The following EXOC5 variants were observed in gnomAD, a reference collection of about 807,000 sequenced individuals.
EXOC5 encodes the protein exocyst complex component 5.
Under a neutral mutation model 90.8 loss-of-function variants are expected in EXOC5, and 17 were observed. The observed-to-expected ratio is 0.19, with a 90% CI of 0.13 to 0.28. EXOC5 has a LOEUF of 0.28. Among genes scored for constraint, EXOC5 ranks in the 10% least tolerant of loss-of-function variants. The pLI is 1.00. For synonymous variants in EXOC5, 260 were observed against 270.0 expected (o/e 0.96, Z 0.36); for missense variants, 569 against 830.6 (o/e 0.69, Z 3.87).
chr14:57,254,958 G>C (rs978684158), intron 1 of EXOC5, among the ~76,000 whole-genome samples: 2 of 152,276 alleles, frequency 1.3e-5, no homozygotes, highest in Non-Finnish European at 2.9e-5. Context: ...TGTTATGGAA[G>C]CCTGAGCTGA....
intron 1 of EXOC5, among the ~76,000 whole-genome samples, chr14:57,254,774 T>C (rs1233713308): frequency 6.6e-6 from 1 of 152,158 alleles, no homozygotes; most frequent in Non-Finnish European, 1.5e-5. Flanking sequence ...GAAATCTCTC[T>C]CTGCACAAAG....
Position 57,205,589 on chromosome 14 carries a change from A to T in EXOC5, c.*3020T>A, listed in dbSNP as rs1326810911. The T allele has an allele frequency of 3.2e-6, 1 of 310,714 alleles. No individual in the cohort carries two copies. Among genetic ancestry groups the T allele is most frequent in the Non-Finnish European group, 6.1e-6 (1 of 163,112 alleles). 19.2% of individuals were successfully genotyped at this position (310,714 alleles called of 1,614,324 possible). On this transcript the variant is annotated 3_prime_UTR_variant, in exon 18 of 18. Coordinates refer to ENST00000621441, the MANE Select transcript of EXOC5 (RefSeq NM_006544.4). ...CAAAAATCAAAATCTCTTTATCCAG[A>T]TCCTTGTAAATATTCACCATTACAG...
intron 1 of EXOC5, among the ~76,000 whole-genome samples, chr14:57,259,328 G>A (rs1884434120): frequency 6.6e-6 from 1 of 152,044 alleles, no homozygotes; most frequent in Non-Finnish European, 1.5e-5. Flanking sequence ...CTAACTGCTG[G>A]CCTCAAGTGA....
chr14:57,247,540 A>T (rs1566502705), intron 2 of EXOC5, 78 bp downstream of exon 2: 3 of 596,934 alleles, frequency 5.0e-6, no homozygotes, highest in Non-Finnish European at 8.6e-6. Context: ...TGCTGAAAGC[A>T]ATCTCAACAG....
chr14:57,268,901 G>T lies in EXOC5; in HGVS notation c.-253C>A. 2 of 961,642 alleles carry T rather than the reference G, an allele frequency of 2.1e-6. No homozygotes were observed. The highest frequency in any genetic ancestry group is 2.9e-6 in the Non-Finnish European group (2 of 687,280). The allele number at this position is 961,642 out of a possible 1,614,324, so 59.6% of individuals were successfully genotyped here. A position where few individuals can be genotyped will look rare whatever the true frequency, so the allele number is the denominator to read the frequency against. On this transcript the variant is annotated 5_prime_UTR_variant, in exon 1 of 18. Coordinates refer to ENST00000621441, the MANE Select transcript of EXOC5 (RefSeq NM_006544.4). ...GTCACCGCCTCATACGCCGGAAGTG[G>T]AACTGCGCGCGCCAGGGAGGTTGTC...
rs1406045557 is a variant in EXOC5 at position 57,246,831 on chromosome 14, A to C, written c.150T>G (p.Ile50Met). 1.3e-6 allele frequency: 2 copies of C among 1,584,704 alleles called. No homozygotes were observed. Among genetic ancestry groups the C allele is most frequent in the Non-Finnish European group, 1.7e-6 (2 of 1,160,154 alleles). Reference sequence around the variant, plus strand: ...TTTCATCCATTATCTGGAGTTCCTGAATATGATTTACAAATTCTTCTAATA... The same window carrying C: ...TTTCATCCATTATCTGGAGTTCCTGCATATGATTTACAAATTCTTCTAATA... ...KRLLEEFVNH[I>M]QELQIMDERI... Residue 50 changes from isoleucine to methionine, a missense_variant, in exon 3 of 18, where the codon ATT becomes ATG. Transcript: ENST00000621441.
At chr14:57,221,574 G>A (rs188029042) in intron 13 of EXOC5, among the ~76,000 whole-genome samples, 185 of 152,288 alleles carry the variant, frequency 1.2e-3, no homozygotes, top group African/African-American at 4.3e-3. Flanking sequence ...GAAGTATACT[G>A]ACAGGATTTG....
chr14:57,211,638 C>G (rs1262982966), intron 15 of EXOC5: 1 of 152,194 alleles, frequency 6.6e-6, no homozygotes, highest in African/African-American at 2.4e-5. Flanking sequence ...TCTAAGAGGC[C>G]GAGGTGGGAG....
At chr14:57,233,179 G>A (rs1426200502) in intron 9 of EXOC5, 1 of 153,012 alleles carries the variant, frequency 6.5e-6, no homozygotes, top group African/African-American at 2.5e-5. Flanking sequence ...GTGAAATGCT[G>A]TACATTACAT....
intron 12 of EXOC5, among the ~76,000 whole-genome samples, chr14:57,224,279 A>C (rs557852292): frequency 4.2e-4 from 64 of 152,140 alleles, no homozygotes; most frequent in Non-Finnish European, 8.1e-4. Flanking sequence ...AAAATTAATG[A>C]AACCAAAAGC....
intron 1 of EXOC5, among the ~76,000 whole-genome samples, chr14:57,257,107 G>T (rs539158363): frequency 1.3e-5 from 2 of 152,232 alleles, no homozygotes; most frequent in African/African-American, 4.8e-5. Context: ...TGAGAAATAG[G>T]TTCATGACGT....
In EXOC5 at chr14:57,267,558, A is replaced by G. The variant is rs113825442; in HGVS notation, c.27+1064T>C. Among the ~76,000 whole-genome samples, 360 of 152,232 alleles carry G rather than the reference A, an allele frequency of 2.4e-3. 2 individuals carry two copies. The highest frequency in any genetic ancestry group is 8.3e-3 in the African/African-American group (345 of 41,526). On this transcript the variant is annotated intron_variant, in intron 1 of 17. Coordinates refer to ENST00000621441, the MANE Select transcript of EXOC5 (RefSeq NM_006544.4). ...GGATTACAGTCTTCTCAATTATTACACTTTTGTTACTCAATGTGAAACACA... is the reference window on the plus strand; with the variant it reads ...GGATTACAGTCTTCTCAATTATTACGCTTTTGTTACTCAATGTGAAACACA...
chr14:57,232,724 T>C lies in EXOC5; in HGVS notation c.881A>G (p.Glu294Gly). The change falls in exon 10 of 18, where the codon GAA becomes GGA. Residue 294 changes from glutamate (E) to glycine (G), a missense_variant. Glu to Gly is a moderately conservative substitution (Grantham distance 98). This residue lies in a region of EXOC5 where 114 missense variants were observed against 111.2 expected (regional missense o/e 1.03). Coordinates refer to ENST00000621441, the MANE Select transcript of EXOC5 (RefSeq NM_006544.4). ...TTGCTCTGCATCGGACTTCCTACATTCTTCTAACTGCTCTTTCACAAAACT... is the reference window on the plus strand; with the variant it reads ...TTGCTCTGCATCGGACTTCCTACATCCTTCTAACTGCTCTTTCACAAAACT... ...LQSFVKEQLE[E>G]CRKSDAEQYL... The C allele has an allele frequency of 6.5e-7, 1 of 1,543,656 alleles. No homozygotes were observed.
chr14:57,235,665 T>G (rs1199365211), intron 7 of EXOC5, 46 bp downstream of exon 7: 4 of 972,626 alleles, frequency 4.1e-6, no homozygotes, highest in Non-Finnish European at 6.4e-6. Context: ...ACTTACGTAA[T>G]TTCCATAGCC....
rs760632789 is a variant in EXOC5, at chr14:57,208,585, C to A, written c.*24G>T. On this transcript the variant is annotated 3_prime_UTR_variant, in exon 18 of 18. Transcript: ENST00000621441. ...ACATTCCTCTGTAAAGGAACTGACA[C>A]TGAATTCCTTTGTAAATTCAATCTC... 6.4e-6 allele frequency: 10 copies of A among 1,566,190 alleles called. No individual in the cohort carries two copies. Among genetic ancestry groups the A allele is most frequent in the Non-Finnish European group, 8.8e-6 (10 of 1,141,470 alleles).
chr14:57,226,570 T>G (rs542183438), intron 12 of EXOC5, among the ~76,000 whole-genome samples: 16 of 152,214 alleles, frequency 1.1e-4, no homozygotes, highest in African/African-American at 3.6e-4. Flanking sequence ...TTAGAGGACT[T>G]AGGACTTACA....
At position 57,208,347 on chromosome 14, in the gene EXOC5, T is replaced by C; in HGVS notation, c.*262A>G. 3.1e-6 allele frequency: 1 copy of C among 320,302 alleles called. No individual in the cohort carries two copies. Among genetic ancestry groups the C allele is most frequent in the South Asian group, 1.3e-4 (1 of 7,594 alleles). 19.8% of individuals were successfully genotyped at this position (320,302 alleles called of 1,614,324 possible). Reference sequence around the variant, plus strand: ...GGATAAAAACAGTGACATGTAGTTTTAGAGAATCTGAAATTTCTACATTCA... The same window carrying C: ...GGATAAAAACAGTGACATGTAGTTTCAGAGAATCTGAAATTTCTACATTCA... On this transcript the variant is annotated 3_prime_UTR_variant, in exon 18 of 18. Transcript: ENST00000621441.
intron 1 of EXOC5, chr14:57,268,328 A>G (rs889428047): frequency 1.5e-6 from 1 of 670,902 alleles, no homozygotes; most frequent in Non-Finnish European, 2.4e-6. Flanking sequence ...CAACACCCGA[A>G]CCTTCCAGAC....
At position 57,213,744 on chromosome 14, in the gene EXOC5, G is replaced by T. The variant is rs902945701; in HGVS notation, c.1614-3683C>A. 2.6e-5 allele frequency among the ~76,000 whole-genome samples: 4 copies of T among 152,092 alleles called. No homozygotes were observed. In the East Asian group the frequency reaches 7.8e-4, roughly 30 times the overall value. ...AGCACTTTGGGAGGCTGAGGTGGGTGGATCACTTGAGGCCAGGAGTTTGAG... is the reference window on the plus strand; with the variant it reads ...AGCACTTTGGGAGGCTGAGGTGGGTTGATCACTTGAGGCCAGGAGTTTGAG... On this transcript the variant is annotated intron_variant, in intron 15 of 17. Transcript: ENST00000621441.
Sources: gnomAD v4.1 joint callset for allele counts (sites outside exome capture counted in the v4.1 genomes callset) on GRCh38, gnomAD v4.1.1 for gene constraint, gnomAD v4.1.1 regional missense constraint, MANE v1.5 for transcripts, NCBI Gene and HGNC (gene_info 2026-07-23, HGNC 2026-07-21) for gene names.